Variants in ZNF79 observed in about 807,000 individuals in gnomAD.
The protein encoded by ZNF79 is zinc finger protein 79.
Under a neutral mutation model 14.9 loss-of-function variants are expected in ZNF79, and 13 were observed. The ratio of observed to expected loss-of-function variants is 0.87; its 90% CI spans 0.57 to 1.38. The LOEUF is 1.38. Among genes scored for constraint, ZNF79 ranks in the 40% most tolerant of loss-of-function variants. The pLI is 0.00. For missense variants in ZNF79, 631 were observed against 630.6 expected, an observed-to-expected ratio of 1.00 and a Z score of -0.01; for synonymous variants, 223 against 235.1, an observed-to-expected ratio of 0.95 and a Z score of 0.47.
chr9:127,428,056 C>G (rs1833792740), intron 1 of ZNF79, among the ~76,000 whole-genome samples: 1 of 152,072 alleles, frequency 6.6e-6, no homozygotes. Flanking sequence ...TCACAACTTG[C>G]TGCAGCCTCG....
At chr9:127,429,281 GC>G (rs1395154890) in intron 2 of ZNF79, among the ~76,000 whole-genome samples, 3 of 151,786 alleles carry the variant, frequency 2.0e-5, no homozygotes, top group Middle Eastern at 3.2e-3. Flanking sequence ...CTCCCAAAGT[GC>G]TGGTATTACA....
chr9:127,439,949 A>G (rs911108029), intron 4 of ZNF79, among the ~76,000 whole-genome samples: 1 of 151,584 alleles, frequency 6.6e-6, no homozygotes, highest in African/African-American at 2.4e-5. Context: ...TGCAAGCTCC[A>G]CCTCCCGGGT....
At chr9:127,434,474 T>G (rs1833911507) in intron 2 of ZNF79, among the ~76,000 whole-genome samples, 3 of 152,226 alleles carry the variant, frequency 2.0e-5, no homozygotes, top group Admixed American at 2.0e-4. Flanking sequence ...TATTACCTCT[T>G]CAAGTCCCAA....
At position 127,424,764 on chromosome 9, in the gene ZNF79, G is replaced by C. The variant is rs1833719914; in HGVS notation, c.-24G>C. The C allele has an allele frequency of 6.2e-7, 1 of 1,613,834 alleles. No individual in the cohort carries two copies. ...CTTACGCCCAGAGAACTGCTGGGAG[G>C]CTGTGGCGCGAGGCGGGACTCAAAT... On this transcript the variant is annotated 5_prime_UTR_variant, in exon 1 of 5. Coordinates refer to ENST00000342483, the MANE Select transcript of ZNF79 (RefSeq NM_007135.3).
chr9:127,433,965 A>C (rs1401957131), intron 2 of ZNF79, among the ~76,000 whole-genome samples: 1 of 152,132 alleles, frequency 6.6e-6, no homozygotes, highest in Non-Finnish European at 1.5e-5. Flanking sequence ...CCTCCATCTC[A>C]AGACACAGTT....
Position 127,445,189 on chromosome 9 carries a change from G to A in ZNF79, c.1489G>A (p.Gly497Arg), listed in dbSNP as rs372512264. The part of the protein sequence containing the change: ...AFVRHQRLHA[G>R]E ...CGTTAGACATCAGAGACTCCACGCCGGAGAGTAACTAGGAACATGGTAGAA... is the reference window on the plus strand; with the variant it reads ...CGTTAGACATCAGAGACTCCACGCCAGAGAGTAACTAGGAACATGGTAGAA... The change falls in exon 5 of 5, where the codon GGA (glycine) becomes AGA (arginine). Residue 497 changes from glycine to arginine, a missense_variant. Physicochemically the swap from Gly to Arg is moderately radical, Grantham distance 125 (BLOSUM62 -2). Transcript: ENST00000342483. 46 of 1,613,626 alleles carry A rather than the reference G, an allele frequency of 2.9e-5. 1 individual carries two copies. Among genetic ancestry groups the A allele is most frequent in the Middle Eastern group, 1.6e-4 (1 of 6,084 alleles).
chr9:127,427,583 C>T (rs1003328354), intron 1 of ZNF79, among the ~76,000 whole-genome samples: 2 of 140,832 alleles, frequency 1.4e-5, no homozygotes, highest in African/African-American at 5.3e-5. Context: ...GCTTTGTTGC[C>T]CACGCTGGAG....
rs1272466019 is a variant in ZNF79, at chr9:127,445,078, C to G, written c.1378C>G (p.Leu460Val). The stretch of plus-strand genomic sequence containing the variant: ...TAAAGCGTTTAACCAGAGCTCATCC[C>G]TTAGTCAGCATCAGAGAATCCACAC... ...CGKAFNQSSS[L>V]SQHQRIHTGV... The change falls in exon 5 of 5, where the codon CTT becomes GTT. Residue 460 changes from leucine to valine, a missense_variant. Transcript: ENST00000342483. The G allele has an allele frequency of 2.5e-6, 4 of 1,613,802 alleles. No individual in the cohort carries two copies. Among genetic ancestry groups the G allele is most frequent in the Non-Finnish European group, 3.4e-6 (4 of 1,179,990 alleles).
chr9:127,437,373 T>C (rs1156842337), intron 4 of ZNF79, among the ~76,000 whole-genome samples: 1 of 150,998 alleles, frequency 6.6e-6, no homozygotes, highest in East Asian at 2.0e-4. Context: ...CTGTGTTCTA[T>C]ATAGTCTATA....
intron 1 of ZNF79, among the ~76,000 whole-genome samples, chr9:127,427,376 T>G (rs1478743998): frequency 6.6e-6 from 1 of 151,220 alleles, no homozygotes; most frequent in African/African-American, 2.4e-5. Context: ...TGAGCCAAGA[T>G]TGTGCCATTG....
At chr9:127,440,322 T>G (rs1485798910) in intron 4 of ZNF79, among the ~76,000 whole-genome samples, 2 of 152,008 alleles carry the variant, frequency 1.3e-5, no homozygotes, top group African/African-American at 2.4e-5. Context: ...GGAGCTGAGA[T>G]CTGAAGGAAG....
intron 4 of ZNF79, among the ~76,000 whole-genome samples, chr9:127,436,797 C>T (rs1833955077): frequency 1.3e-5 from 2 of 152,164 alleles, no homozygotes; most frequent in Admixed American, 6.5e-5. Context: ...TGGCTCACGC[C>T]TGTAATCCCA....
intron 2 of ZNF79, among the ~76,000 whole-genome samples, chr9:127,431,423 A>G (rs1230758192): frequency 6.6e-6 from 1 of 151,738 alleles, no homozygotes; most frequent in Non-Finnish European, 1.5e-5. Flanking sequence ...TAATTTTTGT[A>G]TTTTTAGTAG....
chr9:127,428,983 T>G, intron 2 of ZNF79, 63 bp downstream of exon 2: 4 of 1,134,408 alleles, frequency 3.5e-6, no homozygotes, highest in Non-Finnish European at 4.9e-6. Flanking sequence ...ATGGTAGGGT[T>G]GCCTTGTTTT....
At chr9:127,432,530 A>T (rs1470889704) in intron 2 of ZNF79, among the ~76,000 whole-genome samples, 2 of 144,322 alleles carry the variant, frequency 1.4e-5, no homozygotes, top group East Asian at 4.0e-4. Flanking sequence ...TTGGCTATGT[A>T]TTTTTTTTTT....
rs1833717058 is a variant in ZNF79, at chr9:127,424,679, C to T, written c.-109C>T. The T allele has an allele frequency of 2.6e-5, 40 of 1,548,700 alleles. No homozygotes were observed. In the South Asian group the frequency reaches 4.1e-4, roughly 16 times the overall value. On this transcript the variant is annotated 5_prime_UTR_variant, in exon 1 of 5. Coordinates refer to ENST00000342483, the MANE Select transcript of ZNF79 (RefSeq NM_007135.3). ...GGGGAGAGGCTGGAGAGGAAGAGTCCGGCCTGGGAGCCGTCAGAGCAGCCC... is the reference window on the plus strand; with the variant it reads ...GGGGAGAGGCTGGAGAGGAAGAGTCTGGCCTGGGAGCCGTCAGAGCAGCCC...
chr9:127,429,044 T>G, intron 2 of ZNF79, 124 bp downstream of exon 2: 1 of 647,142 alleles, frequency 1.5e-6, no homozygotes, highest in Non-Finnish European at 2.4e-6. Context: ...AGACTGAGTC[T>G]CACTCTGTCG....
intron 4 of ZNF79, among the ~76,000 whole-genome samples, chr9:127,440,659 G>A (rs567486364): frequency 1.7e-4 from 26 of 152,354 alleles, no homozygotes; most frequent in African/African-American, 6.0e-4. Flanking sequence ...TCAGCGTTAT[G>A]TGTGAAGAAT....
At chr9:127,436,363 C>T (rs955432556) in intron 4 of ZNF79, among the ~76,000 whole-genome samples, 4 of 152,188 alleles carry the variant, frequency 2.6e-5, no homozygotes, top group African/African-American at 9.7e-5. Flanking sequence ...TGGCACATTC[C>T]CTGCTTGGGG....
Sources: gnomAD v4.1 joint callset for allele counts (sites outside exome capture counted in the v4.1 genomes callset) on GRCh38, gnomAD v4.1.1 for gene constraint, MANE v1.5 for transcripts, NCBI Gene and HGNC (gene_info 2026-07-23, HGNC 2026-07-21) for gene names.